The following TUSC3 variants were observed in gnomAD, a reference collection of about 807,000 sequenced individuals.
TUSC3 encodes the protein dolichyl-diphosphooligosaccharide--protein glycosyltransferase subunit TUSC3.
TUSC3 carries 45 observed loss-of-function variants against 44.8 expected under a neutral mutation model. The ratio of observed to expected loss-of-function variants is 1.00; its 90% CI spans 0.79 to 1.29. TUSC3 has a LOEUF of 1.29. TUSC3 is among the 50% of genes most tolerant of loss of function. The pLI is 0.00. For missense variants in TUSC3, 519 were observed against 437.9 expected, an observed-to-expected ratio of 1.19 and a Z score of -1.65; for synonymous variants, 212 against 152.9, an observed-to-expected ratio of 1.39 and a Z score of -2.85.
At chr8:15,714,923 T>C (rs1810000048) in intron 6 of TUSC3, among the ~76,000 whole-genome samples, 1 of 152,196 alleles carries the variant, frequency 6.6e-6, no homozygotes, top group Non-Finnish European at 1.5e-5. Flanking sequence ...TATAACTCTT[T>C]ATAATTTTAA....
At chr8:15,543,725 G>T (rs1461608188) in intron 1 of TUSC3, among the ~76,000 whole-genome samples, 2 of 150,892 alleles carry the variant, frequency 1.3e-5, no homozygotes, top group Non-Finnish European at 3.0e-5. Flanking sequence ...AATGCGGTAA[G>T]ATTTTTTTGA....
chr8:15,463,318 T>C (rs1167245569), intron 1 of TUSC3, among the ~76,000 whole-genome samples: 1 of 152,168 alleles, frequency 6.6e-6, no homozygotes, highest in Non-Finnish European at 1.5e-5. Flanking sequence ...GAGTCCGTCA[T>C]CACTATGAAT....
the TUSC3 span, among the ~76,000 whole-genome samples, chr8:15,790,698 T>G: frequency 6.6e-6 from 1 of 152,072 alleles, no homozygotes; most frequent in African/African-American, 2.4e-5. Context: ...TTAGTGATAG[T>G]TGAAGGATGG....
chr8:15,819,863 G>C, the TUSC3 span, among the ~76,000 whole-genome samples: 1 of 152,100 alleles, frequency 6.6e-6, no homozygotes, highest in African/African-American at 2.4e-5. Flanking sequence ...ACAGAAGTGG[G>C]ATCTTCCCTT....
chr8:15,763,356 A>G (rs1022334036), intron 10 of TUSC3, among the ~76,000 whole-genome samples: 1 of 151,202 alleles, frequency 6.6e-6, no homozygotes, highest in Non-Finnish European at 1.5e-5. Context: ...AAACTTACCT[A>G]CTTTGGACAT....
chr8:15,621,116 A>G (rs35960251), intron 1 of TUSC3, among the ~76,000 whole-genome samples: 32,353 of 151,828 alleles, frequency 0.21, 4,163 homozygotes, highest in Non-Finnish European at 0.29. Flanking sequence ...ACCCTGCTTG[A>G]TTTCCACTCT....
intron 1 of TUSC3, among the ~76,000 whole-genome samples, chr8:15,565,374 T>C (rs901837292): frequency 6.6e-6 from 1 of 152,152 alleles, no homozygotes; most frequent in Non-Finnish European, 1.5e-5. Flanking sequence ...ATCATTTGTT[T>C]AGTCACATCT....
At chr8:15,698,116 T>TA (rs1473320946) in intron 6 of TUSC3, among the ~76,000 whole-genome samples, 1 of 152,160 alleles carries the variant, frequency 6.6e-6, no homozygotes, top group Admixed American at 6.5e-5. Flanking sequence ...AAATGAATCT[T>TA]AAAAAATACT....
At chr8:15,555,979 C>G (rs1802247540) in intron 1 of TUSC3, among the ~76,000 whole-genome samples, 1 of 150,856 alleles carries the variant, frequency 6.6e-6, no homozygotes. Context: ...AGGTAAAAAT[C>G]AATTTTATTT....
chr8:15,643,571 A>T (rs1478810080), intron 2 of TUSC3, among the ~76,000 whole-genome samples: 2 of 152,208 alleles, frequency 1.3e-5, no homozygotes, highest in African/African-American at 2.4e-5. Flanking sequence ...CCAAGGAAAG[A>T]TCTACTTAGG....
the TUSC3 span, among the ~76,000 whole-genome samples, chr8:15,800,216 GC>G: frequency 6.6e-6 from 1 of 152,100 alleles, no homozygotes; most frequent in Non-Finnish European, 1.5e-5. Context: ...AAAGATTCAT[GC>G]CAAATTTGCT....
downstream of TUSC3, among the ~76,000 whole-genome samples, chr8:15,770,826 G>C (rs996861862): frequency 2.0e-5 from 3 of 152,048 alleles, no homozygotes; most frequent in Admixed American, 1.3e-4. Context: ...TCCCAGAAGA[G>C]AGAGGAAAGG....
intron 6 of TUSC3, among the ~76,000 whole-genome samples, chr8:15,705,690 A>G (rs1375702885): frequency 1.3e-5 from 2 of 151,998 alleles, no homozygotes. Flanking sequence ...GCATCTCTTC[A>G]TCTCTTCAAT....
At chr8:15,561,878 G>A (rs1231051446) in intron 1 of TUSC3, among the ~76,000 whole-genome samples, 6 of 152,238 alleles carry the variant, frequency 3.9e-5, no homozygotes, top group African/African-American at 4.8e-5. Flanking sequence ...CACGGTGTGC[G>A]CACCCACTCT....
chr8:15,671,426 C>T (rs565944082), intron 5 of TUSC3, among the ~76,000 whole-genome samples: 2 of 151,936 alleles, frequency 1.3e-5, no homozygotes, highest in African/African-American at 4.8e-5. Flanking sequence ...AAAAAGGATG[C>T]ATCAGTTATG....
At chr8:15,730,861 AT>A in intron 7 of TUSC3, 132 bp downstream of exon 7, 2 of 778,078 alleles carry the variant, frequency 2.6e-6, no homozygotes, top group Non-Finnish European at 4.2e-6. Flanking sequence ...TATATGACTA[AT>A]TTTTATTTTT....
intron 2 of TUSC3, among the ~76,000 whole-genome samples, chr8:15,517,936 C>T (rs908845588): frequency 4.0e-5 from 6 of 151,890 alleles, no homozygotes; most frequent in Admixed American, 1.3e-4. Flanking sequence ...TTGGTACTAT[C>T]GCAACTATTT....
chr8:15,752,387 T>C (rs139024540), intron 9 of TUSC3, among the ~76,000 whole-genome samples: 3 of 152,026 alleles, frequency 2.0e-5, no homozygotes, highest in Middle Eastern at 3.2e-3. Flanking sequence ...TAAAATACAT[T>C]AATTAGACAG....
chr8:15,650,735 G>T lies in TUSC3; in HGVS notation c.347G>T (p.Trp116Leu). 6.2e-7 allele frequency: 1 copy of T among 1,614,030 alleles called. No individual in the cohort carries two copies. The highest frequency in any genetic ancestry group is 1.1e-5 in the South Asian group (1 of 91,082). The change falls in exon 3 of 11, where the codon TGG becomes TTG. Residue 116 changes from tryptophan to leucine, a missense_variant. Trp to Leu is a moderately conservative substitution (Grantham distance 61). Transcript: ENST00000503731. ...GAATATCAAATACTGGCGAACTCCT[G>T]GCGCTATTCATCTGCTTTTTGTAAC... ...NEEYQILANS[W>L]RYSSAFCNKL...
Sources: gnomAD v4.1 joint callset for allele counts (sites outside exome capture counted in the v4.1 genomes callset) on GRCh38, gnomAD v4.1.1 for gene constraint, MANE v1.5 for transcripts, NCBI Gene and HGNC (gene_info 2026-07-23, HGNC 2026-07-21) for gene names.